The following ACOXL variants were observed in gnomAD, a reference collection of about 807,000 sequenced individuals.
The protein encoded by ACOXL is acyl-CoA oxidase like, also known as acyl-coenzyme A oxidase-like protein.
Under a neutral mutation model 71.9 loss-of-function variants are expected in ACOXL, and 70 were observed. The ratio of observed to expected loss-of-function variants is 0.97; its 90% CI spans 0.80 to 1.19. The LOEUF (loss-of-function observed/expected upper bound fraction) is 1.19. ACOXL is among the 50% of genes most tolerant of loss of function. ACOXL has a pLI of 0.00. For missense variants in ACOXL, 703 were observed against 736.3 expected, an observed-to-expected ratio of 0.95 and a Z score of 0.52; for synonymous variants, 253 against 281.6, an observed-to-expected ratio of 0.90 and a Z score of 1.02.
intron 3 of ACOXL, among the ~76,000 whole-genome samples, chr2:110,787,260 T>C (rs72832816): frequency 0.057 from 8,585 of 151,860 alleles, 402 homozygotes; most frequent in African/African-American, 0.12. Flanking sequence ...TGAGGCCGGG[T>C]GCGGTGACTC....
intron 11 of ACOXL, among the ~76,000 whole-genome samples, chr2:110,924,328 G>T (rs1163528262): frequency 6.6e-6 from 1 of 152,130 alleles, no homozygotes; most frequent in African/African-American, 2.4e-5. Context: ...GAAGTTTGCC[G>T]CAACAATTGA....
intron 14 of ACOXL, among the ~76,000 whole-genome samples, chr2:111,000,279 A>C (rs1456647358): frequency 1.3e-5 from 2 of 152,208 alleles, no homozygotes; most frequent in East Asian, 3.8e-4. Flanking sequence ...GGAAAGTAGA[A>C]AATGTACCCA....
chr2:111,087,314 T>C (rs2068263486), intron 16 of ACOXL, among the ~76,000 whole-genome samples: 1 of 152,058 alleles, frequency 6.6e-6, no homozygotes, highest in African/African-American at 2.4e-5. Flanking sequence ...TTAAAATTCA[T>C]ATAGAACCAA....
intron 2 of ACOXL, among the ~76,000 whole-genome samples, chr2:110,768,712 T>C (rs4255970): frequency 0.057 from 8,663 of 152,196 alleles, 410 homozygotes; most frequent in African/African-American, 0.12. Flanking sequence ...CACCCTCCTC[T>C]CTCAAGTAGG....
intron 12 of ACOXL, chr2:110,968,409 A>G (rs997728723): frequency 2.5e-5 from 29 of 1,150,174 alleles, no homozygotes; most frequent in Non-Finnish European, 3.5e-5. Flanking sequence ...AATTTAATGC[A>G]GAAGTACACC....
intron 13 of ACOXL, among the ~76,000 whole-genome samples, chr2:110,990,840 A>G (rs960685624): frequency 1.3e-5 from 2 of 152,194 alleles, no homozygotes; most frequent in Admixed American, 6.5e-5. Flanking sequence ...TGCATGCTTA[A>G]GAAACACTCA....
chr2:110,793,733 C>T lies in ACOXL; in HGVS notation c.243C>T (p.Leu81=). The change falls in exon 4 of 18, where the codon CTC becomes CTT. Residue 81 remains leucine, a synonymous_variant. Coordinates refer to ENST00000439055, the MANE Select transcript of ACOXL (RefSeq NM_001142807.4). Reference sequence around the variant, plus strand: ...ATGTTACTAAGTGGTTTCAGCCACTCCAGGTATGGTATTTTCCTCAACATT... The same window carrying T: ...ATGTTACTAAGTGGTTTCAGCCACTTCAGGTATGGTATTTTCCTCAACATT... The part of the protein sequence containing the change: ...PEHVTKWFQP[L]QEQKYTGMFA... 1 of 1,612,618 alleles carries T rather than the reference C, an allele frequency of 6.2e-7. No homozygotes were observed. Among genetic ancestry groups the T allele is most frequent in the Non-Finnish European group, 8.5e-7 (1 of 1,178,682 alleles).
At chr2:111,037,137 C>A (rs374621348) in intron 15 of ACOXL, among the ~76,000 whole-genome samples, 1 of 152,298 alleles carries the variant, frequency 6.6e-6, no homozygotes, top group Non-Finnish European at 1.5e-5. Flanking sequence ...TTGTGCCCGT[C>A]GGTCTTCATG....
At chr2:110,763,561 C>CT (rs758622407) in intron 1 of ACOXL, among the ~76,000 whole-genome samples, 38 of 152,044 alleles carry the variant, frequency 2.5e-4, no homozygotes, top group Non-Finnish European at 8.8e-5. Context: ...GATCACAGGC[C>CT]TAAATGTAAA....
At chr2:110,752,773 T>C (rs1355249353) in intron 1 of ACOXL, among the ~76,000 whole-genome samples, 1 of 152,122 alleles carries the variant, frequency 6.6e-6, no homozygotes, top group African/African-American at 2.4e-5. Context: ...TCTACTGATA[T>C]GTAACAAATT....
At chr2:110,986,050 A>G (rs183789550) in intron 12 of ACOXL, among the ~76,000 whole-genome samples, 2 of 152,354 alleles carry the variant, frequency 1.3e-5, no homozygotes, top group Non-Finnish European at 2.9e-5. Context: ...ATTGCTATCA[A>G]GGTTATTATG....
At chr2:111,004,751 T>C (rs770870558) in intron 14 of ACOXL, among the ~76,000 whole-genome samples, 1 of 152,186 alleles carries the variant, frequency 6.6e-6, no homozygotes, top group Non-Finnish European at 1.5e-5. Flanking sequence ...ATCCAATAGC[T>C]TGGAAATGCC....
At chr2:110,864,453 A>G (rs1331088512) in intron 10 of ACOXL, among the ~76,000 whole-genome samples, 1 of 152,272 alleles carries the variant, frequency 6.6e-6, no homozygotes, top group East Asian at 1.9e-4. Context: ...AAACTCAACC[A>G]TCCAGTGATC....
At chr2:110,878,848 A>G (rs1464274812) in intron 10 of ACOXL, among the ~76,000 whole-genome samples, 2 of 152,004 alleles carry the variant, frequency 1.3e-5, no homozygotes, top group Admixed American at 1.3e-4. Context: ...TCACGAGGTC[A>G]GGAGTTCAAG....
intron 14 of ACOXL, among the ~76,000 whole-genome samples, chr2:110,997,439 A>C (rs2063447143): frequency 6.6e-6 from 1 of 152,208 alleles, no homozygotes; most frequent in Non-Finnish European, 1.5e-5. Context: ...GCTTACTCAA[A>C]AACAGAAAAA....
chr2:110,978,786 G>A (rs569837707), intron 12 of ACOXL, among the ~76,000 whole-genome samples: 10 of 148,972 alleles, frequency 6.7e-5, no homozygotes, highest in Non-Finnish European at 1.5e-4. Flanking sequence ...GGGTTTGCAC[G>A]ATGCTCAAGT....
At chr2:111,106,210 C>T (rs891358709) in intron 17 of ACOXL, among the ~76,000 whole-genome samples, 2 of 152,062 alleles carry the variant, frequency 1.3e-5, no homozygotes, top group Non-Finnish European at 2.9e-5. Context: ...ATATTCAGTC[C>T]ATTTTCTGTC....
At chr2:110,957,536 G>C (rs140174767) in intron 12 of ACOXL, among the ~76,000 whole-genome samples, 1 of 152,288 alleles carries the variant, frequency 6.6e-6, no homozygotes, top group East Asian at 1.9e-4. Context: ...GGCAGGGTTG[G>C]TCTCTTCTGA....
chr2:111,038,439 C>G (rs974979832), intron 15 of ACOXL, among the ~76,000 whole-genome samples: 1 of 152,208 alleles, frequency 6.6e-6, no homozygotes, highest in Non-Finnish European at 1.5e-5. Flanking sequence ...GTTTCCCACT[C>G]TGTGATCAAA....
Sources: allele counts gnomAD v4.1 joint callset (sites outside exome capture counted in the v4.1 genomes callset), GRCh38; gene constraint gnomAD v4.1.1; transcripts MANE v1.5; gene names NCBI Gene and HGNC (gene_info 2026-07-23, HGNC 2026-07-21).